Variants in CACNA2D2 observed in about 807,000 individuals in gnomAD.
CACNA2D2 encodes voltage-dependent calcium channel subunit alpha-2/delta-2.
CACNA2D2 carries 48 observed loss-of-function variants against 166.4 expected under a neutral mutation model. The observed-to-expected ratio is 0.29, with a 90% CI of 0.23 to 0.37. The LOEUF is 0.37. Ranked by LOEUF, CACNA2D2 falls within the 10% of genes least tolerant of loss-of-function variation. The pLI, the probability that CACNA2D2 is intolerant of heterozygous loss-of-function variation, is 1.00. For synonymous variants in CACNA2D2, 561 were observed against 573.7 expected, an observed-to-expected ratio of 0.98 and a Z score of 0.32; for missense variants, 1,122 against 1,433.0, an observed-to-expected ratio of 0.78 and a Z score of 3.50.
intron 24 of CACNA2D2, 118 bp from the exon 25 acceptor site, chr3:50,368,020 G>A (rs1704443766): frequency 5.2e-6 from 6 of 1,164,358 alleles, no homozygotes; most frequent in South Asian, 3.7e-5. Flanking sequence ...CCTGGCCCAG[G>A]CCCAGCCCTT....
At chr3:50,421,957 G>C (rs932078195) in intron 3 of CACNA2D2, among the ~76,000 whole-genome samples, 2 of 152,084 alleles carry the variant, frequency 1.3e-5, no homozygotes, top group African/African-American at 4.8e-5. Flanking sequence ...GAGGCAGGCA[G>C]GAGGCACTGC....
In CACNA2D2 at chr3:50,375,346, G is replaced by A. The variant is rs370941440; in HGVS notation, c.1907+298C>T. 5.9e-5 allele frequency among the ~76,000 whole-genome samples: 9 copies of A among 152,198 alleles called. No homozygotes were observed. The highest frequency in any genetic ancestry group is 1.9e-4 in the African/African-American group (8 of 41,440). On this transcript the variant is annotated intron_variant, in intron 21 of 37. Coordinates refer to ENST00000424201, the MANE Select transcript of CACNA2D2 (RefSeq NM_006030.4). This position sits in a 1 kb window ranked among gnomAD's most constrained non-coding sequence, Gnocchi z 4.0. ...AGGTCAGCCTGCACTGACCCAGCCT[G>A]ACACACAAGGGACCTCCTCTGCCCT...
At chr3:50,399,875 A>T (rs1260976578) in intron 3 of CACNA2D2, among the ~76,000 whole-genome samples, 2 of 152,014 alleles carry the variant, frequency 1.3e-5, no homozygotes, top group African/African-American at 4.8e-5. Flanking sequence ...CCTAGGAGAG[A>T]GGATCAGTAA....
At chr3:50,392,669 G>C (rs1705941348) in intron 4 of CACNA2D2, among the ~76,000 whole-genome samples, 1 of 152,198 alleles carries the variant, frequency 6.6e-6, no homozygotes, top group African/African-American at 2.4e-5. Context: ...TCAGCGGCTT[G>C]GCACCCACAT....
At chr3:50,497,512 C>A (rs1377052617) in intron 1 of CACNA2D2, among the ~76,000 whole-genome samples, 2 of 152,178 alleles carry the variant, frequency 1.3e-5, no homozygotes, top group South Asian at 2.1e-4. Context: ...CAGGTCCAGA[C>A]CAGATGCAGA....
chr3:50,377,965 G>T (rs759541895), intron 15 of CACNA2D2, 43 bp downstream of exon 15: 2 of 1,590,690 alleles, frequency 1.3e-6, no homozygotes, highest in East Asian at 4.5e-5. Context: ...CATCTCCGGG[G>T]GAAGGGTGCC....
intron 1 of CACNA2D2, among the ~76,000 whole-genome samples, chr3:50,493,391 T>G (rs1698597565): frequency 6.6e-6 from 1 of 152,202 alleles, no homozygotes; most frequent in African/African-American, 2.4e-5. Flanking sequence ...CAAGGTTTCC[T>G]CCCCTCTTAA....
In CACNA2D2 at chr3:50,468,379, TAGTGTG is replaced by T. The variant is rs1352914007; in HGVS notation, c.288+7733_288+7738del. 1.1e-3 allele frequency among the ~76,000 whole-genome samples: 79 copies of T among 68,916 alleles called. 1 individual carries two copies. Among genetic ancestry groups the T allele is most frequent in the African/African-American group, 3.5e-3 (73 of 20,590 alleles). The allele number at this position is 68,916 out of a possible 152,430, so 45.2% of individuals were successfully genotyped here. Reference sequence around the variant, plus strand: ...AAGAGAACCAGCAAGTTCATCAGAATAGTGTGTGTGTGTGTGTGTGTGTGTGTGTGT... The same window carrying T: ...AAGAGAACCAGCAAGTTCATCAGAATTGTGTGTGTGTGTGTGTGTGTGTGT... On this transcript the variant is annotated intron_variant, in intron 2 of 37. Transcript: ENST00000424201.
At chr3:50,425,417 G>A (rs542003318) in intron 3 of CACNA2D2, among the ~76,000 whole-genome samples, 66 of 152,252 alleles carry the variant, frequency 4.3e-4, no homozygotes, top group African/African-American at 1.6e-3. Context: ...TGTCTTCTTA[G>A]ACTTGCCTGT....
chr3:50,476,254 C>A, intron 1 of CACNA2D2, 55 bp from the exon 2 acceptor site: 2 of 1,440,354 alleles, frequency 1.4e-6, no homozygotes, highest in Non-Finnish European at 9.5e-7. Context: ...AGCTGCACAG[C>A]CCCACCCCAG....
chr3:50,381,121 C>T lies in CACNA2D2; in HGVS notation c.658G>A (p.Val220Ile), dbSNP rs1203412706. The part of the protein sequence containing the change: ...IPTDIYKGST[V>I]ILNELNWTEA... ...GTCCAGTTGAGCTCATTGAGGATGA[C>T]AGTGGCTGGGGGGAAGCGGGGAGCT... The change falls in exon 7 of 38, where the codon GTC (valine) becomes ATC (isoleucine). Residue 220 changes from valine (V) to isoleucine (I), a missense_variant. Transcript: ENST00000424201. 2.5e-6 allele frequency: 4 copies of T among 1,613,640 alleles called. No homozygotes were observed. The highest frequency in any genetic ancestry group is 3.4e-6 in the Non-Finnish European group (4 of 1,179,840).
intron 2 of CACNA2D2, among the ~76,000 whole-genome samples, chr3:50,470,495 C>G (rs1432002713): frequency 6.6e-6 from 1 of 151,772 alleles, no homozygotes; most frequent in African/African-American, 2.4e-5. Context: ...TCAGCTGGCC[C>G]AGGCCAGATG....
chr3:50,439,797 G>T (rs990953393), intron 2 of CACNA2D2, among the ~76,000 whole-genome samples: 2 of 152,198 alleles, frequency 1.3e-5, no homozygotes, highest in South Asian at 2.1e-4. Context: ...GTGGCTAGGG[G>T]GCTTGTGGTG....
intron 3 of CACNA2D2, among the ~76,000 whole-genome samples, chr3:50,398,462 A>T (rs924190599): frequency 6.6e-6 from 1 of 152,088 alleles, no homozygotes; most frequent in Non-Finnish European, 1.5e-5. Flanking sequence ...AGTTTATGGT[A>T]ACCTGGCCCT....
chr3:50,404,261 C>A (rs535439973), intron 3 of CACNA2D2, among the ~76,000 whole-genome samples: 1 of 152,116 alleles, frequency 6.6e-6, no homozygotes, highest in Non-Finnish European at 1.5e-5. Context: ...GTGTTCTCCA[C>A]GAAGAGGCAT....
intron 2 of CACNA2D2, among the ~76,000 whole-genome samples, chr3:50,475,566 T>C (rs1437125031): frequency 6.6e-6 from 1 of 152,208 alleles, no homozygotes; most frequent in Non-Finnish European, 1.5e-5. Flanking sequence ...TGGCCTGCTC[T>C]TCACATCACT....
intron 2 of CACNA2D2, among the ~76,000 whole-genome samples, chr3:50,470,885 C>T (rs997125060): frequency 2.6e-5 from 4 of 152,148 alleles, no homozygotes; most frequent in Admixed American, 6.5e-5. Flanking sequence ...ACGTCTCAGA[C>T]GCCCTCCCGG....
chr3:50,449,823 A>T (rs1404183682), intron 2 of CACNA2D2, among the ~76,000 whole-genome samples: 5 of 152,194 alleles, frequency 3.3e-5, no homozygotes, highest in Non-Finnish European at 7.3e-5. Flanking sequence ...ACAGGCATTC[A>T]GCCCGGGCCC....
At chr3:50,401,602 C>T (rs990329402) in intron 3 of CACNA2D2, among the ~76,000 whole-genome samples, 2 of 152,188 alleles carry the variant, frequency 1.3e-5, no homozygotes, top group Non-Finnish European at 2.9e-5. Flanking sequence ...CCTGGGCTCC[C>T]AAGGATCCTT....
Sources: gnomAD v4.1 joint callset for allele counts (sites outside exome capture counted in the v4.1 genomes callset) on GRCh38, gnomAD v4.1.1 for gene constraint, Gnocchi (gnomAD v3.1) non-coding constraint, MANE v1.5 for transcripts, NCBI Gene and HGNC (gene_info 2026-07-23, HGNC 2026-07-21) for gene names.